Variants in SDHC observed in about 807,000 individuals in gnomAD.
SDHC encodes succinate dehydrogenase complex subunit C.
SDHC carries 11 observed loss-of-function variants against 22.6 expected under a neutral mutation model. That is an observed-to-expected ratio of 0.49 (90% confidence interval 0.31 to 0.81). SDHC has a LOEUF of 0.81. Ranked by LOEUF, SDHC falls within the 30% of genes least tolerant of loss-of-function variation. The pLI is 0.05. For missense variants in SDHC, 160 were observed against 212.0 expected, an observed-to-expected ratio of 0.75 and a Z score of 1.52; for synonymous variants, 80 against 77.8, an observed-to-expected ratio of 1.03 and a Z score of -0.15.
intron 1 of SDHC, among the ~76,000 whole-genome samples, chr1:161,317,723 G>T (rs1446018657): frequency 7.9e-5 from 12 of 151,324 alleles, no homozygotes; most frequent in Non-Finnish European, 1.3e-4. Context: ...CACCATGCCA[G>T]GCTAATTTTG....
Position 161,356,934 on chromosome 1 carries a change from T to C in SDHC, c.405+94T>C. On this transcript the variant is annotated intron_variant, in intron 5 of 5. Coordinates refer to ENST00000367975, the MANE Select transcript of SDHC (RefSeq NM_003001.5). Reference sequence around the variant, plus strand: ...TCATTACTGGGTTTAGTGCTGTTCTTTTTTTTTTTTCCCAAGAGTGGAGTC... The same window carrying C: ...TCATTACTGGGTTTAGTGCTGTTCTCTTTTTTTTTTCCCAAGAGTGGAGTC... 2.4e-6 allele frequency: 3 copies of C among 1,228,066 alleles called. No homozygotes were observed. The Middle Eastern group carries it at 5.8e-4, about 237-fold the overall frequency. 76.1% of individuals were successfully genotyped at this position (1,228,066 alleles called of 1,614,324 possible).
rs876659297 is a variant in SDHC at position 161,328,399 on chromosome 1, T to C, written c.81T>C (p.Ala27=). The C allele has an allele frequency of 3.1e-6, 5 of 1,609,116 alleles. No homozygotes were observed. The highest frequency in any genetic ancestry group is 1.3e-5 in the African/African-American group (1 of 74,944). Residue 27 remains alanine (A), a synonymous_variant, in exon 3 of 6, where the codon GCT becomes GCC. Transcript: ENST00000367975. ...HFSPQLCIRN[A]VPLGTTAKEE... ...AAACGGTCTGGTTTTATTTTAGTGCTGTTCCTTTGGGAACCACGGCCAAAG... is the reference window on the plus strand; with the variant it reads ...AAACGGTCTGGTTTTATTTTAGTGCCGTTCCTTTGGGAACCACGGCCAAAG...
At chr1:161,360,606 T>G (rs1571896176) in intron 5 of SDHC, among the ~76,000 whole-genome samples, 1 of 146,004 alleles carries the variant, frequency 6.8e-6, no homozygotes, top group African/African-American at 2.5e-5. Flanking sequence ...AGGGGCTGGG[T>G]GAGATGGCTC....
At chr1:161,342,509 CTT>C (rs372507462) in intron 4 of SDHC, among the ~76,000 whole-genome samples, 11,778 of 141,232 alleles carry the variant, frequency 0.083, 553 homozygotes, top group East Asian at 0.21. Flanking sequence ...CCTGGTATGT[CTT>C]TTTTTTTTTT....
chr1:161,323,574 C>T, intron 1 of SDHC, 40 bp from the exon 2 acceptor site: 1 of 1,538,304 alleles, frequency 6.5e-7, no homozygotes, highest in Admixed American at 1.7e-5. Flanking sequence ...TAAAGTTGAT[C>T]TCTAAATGTG....
Position 161,341,426 on chromosome 1 carries a change from CAGAG to C in SDHC, c.241+772_241+775del, listed in dbSNP as rs558730830. Among the ~76,000 whole-genome samples, 18 of 152,244 alleles carry C rather than the reference CAGAG, an allele frequency of 1.2e-4. No homozygotes were observed. In the South Asian group the frequency reaches 3.7e-3, roughly 32 times the overall value. On this transcript the variant is annotated intron_variant, in intron 4 of 5. Transcript: ENST00000367975. ...ATTTATATAATATGAACTGCAGCTA[CAGAG>C]TGAATTATATACTGGTCTTAGATAA...
chr1:161,318,220 T>C (rs754832027), intron 1 of SDHC, among the ~76,000 whole-genome samples: 28 of 152,086 alleles, frequency 1.8e-4, no homozygotes, highest in Non-Finnish European at 3.5e-4. Flanking sequence ...CTTGAACTTA[T>C]TCCTCCCTTC....
chr1:161,340,892 G>A (rs1378562571), intron 4 of SDHC, among the ~76,000 whole-genome samples: 2 of 152,116 alleles, frequency 1.3e-5, no homozygotes, highest in East Asian at 3.9e-4. Flanking sequence ...TGCCCAGGCT[G>A]GAGTGCAGTG....
intron 1 of SDHC, among the ~76,000 whole-genome samples, chr1:161,321,456 C>T (rs963605232): frequency 8.5e-5 from 13 of 152,290 alleles, no homozygotes; most frequent in African/African-American, 2.4e-4. Context: ...AGAGAGGGCA[C>T]GCCATAGATT....
chr1:161,320,269 G>T (rs2102287353), intron 1 of SDHC, among the ~76,000 whole-genome samples: 1 of 152,244 alleles, frequency 6.6e-6, no homozygotes, highest in African/African-American at 2.4e-5. Flanking sequence ...TTAGGTTATA[G>T]TTTGGTAGTT....
intron 5 of SDHC, among the ~76,000 whole-genome samples, chr1:161,357,632 C>T (rs529275125): frequency 2.0e-5 from 3 of 152,116 alleles, no homozygotes; most frequent in Non-Finnish European, 4.4e-5. Context: ...AACTCCTGAC[C>T]TTGTGATCCA....
chr1:161,361,415 TCA>T (rs1571897313), intron 5 of SDHC, among the ~76,000 whole-genome samples: 1 of 152,132 alleles, frequency 6.6e-6, no homozygotes, highest in African/African-American at 2.4e-5. Context: ...GTTCTAGATC[TCA>T]GAGTATCCTT....
intron 2 of SDHC, among the ~76,000 whole-genome samples, chr1:161,327,260 G>C (rs1394552728): frequency 1.3e-5 from 2 of 152,174 alleles, no homozygotes; most frequent in Admixed American, 6.5e-5. Flanking sequence ...TCTTGTCTAT[G>C]TAAGGACTAA....
rs1411449039 is a variant in SDHC, at chr1:161,316,356, A to G, written c.20+1931A>G. ...GGCGGAGGTCCTTGCGGCCTACCGC[A>G]GTGTTTTGTGTCCCTGGGTACTTGA... On this transcript the variant is annotated intron_variant, in intron 1 of 5. Coordinates refer to ENST00000367975, the MANE Select transcript of SDHC (RefSeq NM_003001.5). Among the ~76,000 whole-genome samples, 10 of 152,362 alleles carry G rather than the reference A, an allele frequency of 6.6e-5. 2 individuals carry two copies. The highest frequency in any genetic ancestry group is 5.2e-4 in the Admixed American group (8 of 15,306).
At chr1:161,330,433 G>C (rs148101760) in intron 3 of SDHC, among the ~76,000 whole-genome samples, 2 of 152,310 alleles carry the variant, frequency 1.3e-5, no homozygotes, top group East Asian at 3.9e-4. Flanking sequence ...GGAGTCTCTG[G>C]TTCTAACCAG....
At chr1:161,343,850 T>G (rs1671802269) in intron 4 of SDHC, among the ~76,000 whole-genome samples, 1 of 152,208 alleles carries the variant, frequency 6.6e-6, no homozygotes, top group Non-Finnish European at 1.5e-5. Context: ...CTGACTTTTT[T>G]ATAGACTATA....
intron 4 of SDHC, 38 bp from the exon 5 acceptor site, chr1:161,356,639 A>C (rs761535194): frequency 1.2e-6 from 2 of 1,609,812 alleles, no homozygotes; most frequent in South Asian, 2.2e-5. Context: ...GTTGTAACTT[A>C]TGAGCAGCTG....
intron 2 of SDHC, among the ~76,000 whole-genome samples, chr1:161,327,177 C>T (rs1478916521): frequency 6.6e-6 from 1 of 152,218 alleles, no homozygotes; most frequent in African/African-American, 2.4e-5. Context: ...CGTCTGCCCA[C>T]CTTAGCCTCC....
intron 3 of SDHC, among the ~76,000 whole-genome samples, chr1:161,334,182 A>C (rs754228177): frequency 3.3e-5 from 5 of 152,156 alleles, no homozygotes; most frequent in Admixed American, 6.6e-5. Flanking sequence ...TCTAGAGGCT[A>C]TCTGAATTCC....
Sources: gnomAD v4.1 joint callset for allele counts (sites outside exome capture counted in the v4.1 genomes callset) on GRCh38, gnomAD v4.1.1 for gene constraint, MANE v1.5 for transcripts, NCBI Gene and HGNC (gene_info 2026-07-23, HGNC 2026-07-21) for gene names.